Variants in ASCC3 observed in about 807,000 individuals in gnomAD.
The protein encoded by ASCC3 is ASC-1 complex subunit P200.
A neutral mutation model predicts 256.3 loss-of-function variants in ASCC3; 158 were observed. The observed-to-expected ratio is 0.62, with a 90% CI of 0.54 to 0.70. The LOEUF (loss-of-function observed/expected upper bound fraction) is 0.70, where lower values mean the gene tolerates loss of function less well. Ranked by LOEUF, ASCC3 falls within the 30% of genes least tolerant of loss-of-function variation. The probability of loss-of-function intolerance (pLI) is 0.00; values close to 1 mark genes in which losing one functional copy is unlikely to be tolerated. For synonymous variants in ASCC3, 948 were observed against 883.4 expected (o/e 1.07, Z -1.30); for missense variants, 2,259 against 2,626.0 (o/e 0.86, Z 3.05).
chr6:100,775,533 T>C (rs192042319), intron 8 of ASCC3, among the ~76,000 whole-genome samples: 54 of 152,240 alleles, frequency 3.5e-4, no homozygotes, highest in Non-Finnish European at 6.2e-4. Context: ...GTTTAAAATA[T>C]GATGATTTAT....
intron 37 of ASCC3, chr6:100,530,457 G>A (rs923710747): frequency 7.4e-5 from 60 of 809,952 alleles, no homozygotes; most frequent in Admixed American, 4.1e-4. Flanking sequence ...AGGATCACTG[G>A]AAAGGAAGAA....
intron 3 of ASCC3, among the ~76,000 whole-genome samples, chr6:100,852,790 A>G (rs970321406): frequency 6.6e-6 from 1 of 152,142 alleles, no homozygotes; most frequent in African/African-American, 2.4e-5. Flanking sequence ...TGTATCCATA[A>G]AACACTGAAT....
At chr6:100,742,354 T>C (rs1232653155) in intron 10 of ASCC3, among the ~76,000 whole-genome samples, 1 of 152,144 alleles carries the variant, frequency 6.6e-6, no homozygotes, top group African/African-American at 2.4e-5. Flanking sequence ...GAACAGAATC[T>C]GGGACTTGCT....
rs140016865 is a variant in ASCC3 at position 100,688,210 on chromosome 6, C to T, written c.2152-8458G>A. 3.1e-3 allele frequency among the ~76,000 whole-genome samples: 466 copies of T among 150,856 alleles called. 4 individuals carry two copies. The highest frequency in any genetic ancestry group is 0.01 in the Middle Eastern group (3 of 294). On this transcript the variant is annotated intron_variant, in intron 13 of 41. Coordinates refer to ENST00000369162, the MANE Select transcript of ASCC3 (RefSeq NM_006828.4). The stretch of plus-strand genomic sequence containing the variant: ...ACCATGGAAAACACCTAAAGACAAT[C>T]TTGGAATTGTAATTGATAGGACAGA...
At chr6:100,850,031 C>T (rs889801345) in intron 3 of ASCC3, among the ~76,000 whole-genome samples, 10 of 134,504 alleles carry the variant, frequency 7.4e-5, no homozygotes, top group Admixed American at 5.4e-4. Flanking sequence ...ACCTAGGAGG[C>T]GGAGGTTGCA....
intron 1 of ASCC3, 132 bp downstream of exon 1, chr6:100,880,929 G>C (rs376295832): frequency 1.0e-3 from 156 of 152,300 alleles, no homozygotes; most frequent in Middle Eastern, 3.4e-3. Flanking sequence ...ATGACAGGTC[G>C]GGACTTGCCC....
chr6:100,529,593 A>G (rs898242995), intron 37 of ASCC3, among the ~76,000 whole-genome samples: 4 of 152,172 alleles, frequency 2.6e-5, no homozygotes, highest in Non-Finnish European at 5.9e-5. Context: ...GATTAAAAAT[A>G]TTATTCATGG....
intron 8 of ASCC3, among the ~76,000 whole-genome samples, chr6:100,774,703 G>T (rs1224861628): frequency 6.6e-6 from 1 of 151,914 alleles, no homozygotes; most frequent in African/African-American, 2.4e-5. Context: ...GGTCTTGCTG[G>T]TCTTGCTCAG....
intron 30 of ASCC3, among the ~76,000 whole-genome samples, chr6:100,615,464 T>C (rs1773623637): frequency 6.6e-6 from 1 of 152,184 alleles, no homozygotes; most frequent in Non-Finnish European, 1.5e-5. Context: ...ACTTGCTTGC[T>C]TGTGCTATCT....
At chr6:100,594,761 A>G (rs999660782) in intron 34 of ASCC3, among the ~76,000 whole-genome samples, 30 of 152,172 alleles carry the variant, frequency 2.0e-4, no homozygotes, top group African/African-American at 7.2e-4. Flanking sequence ...TATTCACAAT[A>G]GCCAAGATAT....
At chr6:100,524,729 G>C (rs966351990) in intron 37 of ASCC3, among the ~76,000 whole-genome samples, 12 of 152,060 alleles carry the variant, frequency 7.9e-5, no homozygotes, top group Non-Finnish European at 1.5e-4. Flanking sequence ...GAACTGGACA[G>C]ATGGCTCCAG....
intron 36 of ASCC3, among the ~76,000 whole-genome samples, chr6:100,559,474 AT>A (rs1315326588): frequency 6.6e-6 from 1 of 152,194 alleles, no homozygotes; most frequent in South Asian, 2.1e-4. Context: ...AGGAGTTAAT[AT>A]TTTTTTGTAA....
chr6:100,822,165 T>A (rs946350995), intron 4 of ASCC3, among the ~76,000 whole-genome samples: 38 of 152,240 alleles, frequency 2.5e-4, no homozygotes, highest in African/African-American at 8.7e-4. Context: ...ATGTCTTGTA[T>A]GTTATGTGAA....
intron 36 of ASCC3, among the ~76,000 whole-genome samples, chr6:100,566,862 T>C (rs79741746): frequency 0.015 from 2,224 of 152,230 alleles, 44 homozygotes; most frequent in African/African-American, 0.051. Flanking sequence ...GTCTCTACTT[T>C]CTTAAAATTC....
At chr6:100,621,334 C>T (rs920921523) in intron 30 of ASCC3, among the ~76,000 whole-genome samples, 2 of 151,806 alleles carry the variant, frequency 1.3e-5, no homozygotes, top group African/African-American at 4.8e-5. Context: ...TTAATAAATA[C>T]AATAATAAAA....
intron 30 of ASCC3, among the ~76,000 whole-genome samples, chr6:100,615,385 T>C (rs1773617838): frequency 6.6e-6 from 1 of 151,630 alleles, no homozygotes; most frequent in Non-Finnish European, 1.5e-5. Flanking sequence ...CTGATTCCAA[T>C]TACTGTATGG....
chr6:100,610,842 A>C (rs1773356814), intron 30 of ASCC3, among the ~76,000 whole-genome samples: 1 of 152,150 alleles, frequency 6.6e-6, no homozygotes, highest in South Asian at 2.1e-4. Flanking sequence ...CTCATTAGAC[A>C]ACTTATTCTC....
chr6:100,828,792 G>A (rs1771463524), intron 4 of ASCC3, among the ~76,000 whole-genome samples: 1 of 152,070 alleles, frequency 6.6e-6, no homozygotes, highest in South Asian at 2.1e-4. Flanking sequence ...AGCAGCAGCA[G>A]GATTTATTGC....
intron 30 of ASCC3, among the ~76,000 whole-genome samples, chr6:100,608,363 T>G (rs1773112264): frequency 1.1e-5 from 1 of 91,318 alleles, no homozygotes; most frequent in South Asian, 3.4e-4. Context: ...ACCTTATATA[T>G]GTATACCTTA....
Sources: gnomAD v4.1 joint callset for allele counts (sites outside exome capture counted in the v4.1 genomes callset) on GRCh38, gnomAD v4.1.1 for gene constraint, MANE v1.5 for transcripts, NCBI Gene and HGNC (gene_info 2026-07-23, HGNC 2026-07-21) for gene names.